EDIL3: variants seen among roughly 807,000 people sequenced by gnomAD.
EDIL3 encodes EGF-like repeat and discoidin I-like domain-containing protein 3.
A neutral mutation model predicts 67.4 loss-of-function variants in EDIL3; 37 were observed. That is an observed-to-expected ratio of 0.55 (90% CI 0.42 to 0.72). The LOEUF is 0.72. Among genes scored for constraint, EDIL3 ranks in the 30% least tolerant of loss-of-function variants. The pLI, the probability that EDIL3 is intolerant of heterozygous loss-of-function variation, is 0.00. For synonymous variants in EDIL3, 195 were observed against 196.3 expected, an observed-to-expected ratio of 0.99 and a Z score of 0.05; for missense variants, 527 against 586.3, an observed-to-expected ratio of 0.90 and a Z score of 1.04.
At chr5:84,050,484 T>C (rs944678751) in intron 9 of EDIL3, among the ~76,000 whole-genome samples, 3 of 152,120 alleles carry the variant, frequency 2.0e-5, no homozygotes, top group African/African-American at 7.2e-5. Flanking sequence ...GTGGGTGCAG[T>C]GCACTGAGCG....
intron 5 of EDIL3, among the ~76,000 whole-genome samples, chr5:84,130,532 C>T (rs1165966441): frequency 6.6e-6 from 1 of 151,988 alleles, no homozygotes; most frequent in East Asian, 1.9e-4. Flanking sequence ...ATTTTCACTT[C>T]CTTATAGACA....
chr5:83,989,319 C>CA (rs369361157), intron 9 of EDIL3, among the ~76,000 whole-genome samples: 330 of 152,280 alleles, frequency 2.2e-3, no homozygotes, highest in African/African-American at 7.6e-3. Context: ...CCCCTGCCCC[C>CA]ACCCCCATGA....
At chr5:84,312,356 G>T (rs1168329175) in intron 1 of EDIL3, among the ~76,000 whole-genome samples, 1 of 136,350 alleles carries the variant, frequency 7.3e-6, no homozygotes, top group Non-Finnish European at 1.6e-5. Flanking sequence ...CCTCCCTCCC[G>T]GACGGGGCGG....
chr5:84,088,888 T>C (rs1446913970), intron 6 of EDIL3, among the ~76,000 whole-genome samples: 1 of 152,008 alleles, frequency 6.6e-6, no homozygotes. Context: ...CAAAAGCAAA[T>C]ACATGGAGAA....
At chr5:84,317,527 T>TAA (rs1746540725) in intron 1 of EDIL3, among the ~76,000 whole-genome samples, 1 of 152,020 alleles carries the variant, frequency 6.6e-6, no homozygotes, top group African/African-American at 2.4e-5. Context: ...ACATACACCC[T>TAA]CCCAAGACTA....
At chr5:84,100,117 T>C (rs1046124250) in intron 6 of EDIL3, among the ~76,000 whole-genome samples, 23 of 152,052 alleles carry the variant, frequency 1.5e-4, no homozygotes, top group Non-Finnish European at 2.9e-4. Context: ...AACAATTTTA[T>C]GCTGTTGGTG....
chr5:84,055,442 GC>G lies in EDIL3; in HGVS notation c.1137+4857del, dbSNP rs996997506. ...AACACCAAAAGCAATGGCAATAAAAGCCAAAATTGACAAATGGGATCTAATT... is the reference window on the plus strand; with the variant it reads ...AACACCAAAAGCAATGGCAATAAAAGCAAAATTGACAAATGGGATCTAATT... On this transcript the variant is annotated intron_variant, in intron 9 of 10. Transcript: ENST00000296591. Among the ~76,000 whole-genome samples, 3 of 138,232 alleles carry G rather than the reference GC, an allele frequency of 2.2e-5. 1 individual carries two copies. Among genetic ancestry groups the G allele is most frequent in the Admixed American group, 7.0e-5 (1 of 14,302 alleles). 90.7% of individuals were successfully genotyped at this position (138,232 alleles called of 152,430 possible).
chr5:84,098,334 G>A (rs1048996010), intron 6 of EDIL3, among the ~76,000 whole-genome samples: 7 of 152,048 alleles, frequency 4.6e-5, no homozygotes, highest in Non-Finnish European at 4.4e-5. Flanking sequence ...GTGAGTTTAA[G>A]CGAAGTACTC....
intron 3 of EDIL3, among the ~76,000 whole-genome samples, chr5:84,229,450 T>C (rs1744519584): frequency 6.6e-6 from 1 of 152,214 alleles, no homozygotes; most frequent in Admixed American, 6.5e-5. Flanking sequence ...GATAGTGCTG[T>C]ATGCTCTCAT....
intron 1 of EDIL3, among the ~76,000 whole-genome samples, chr5:84,312,555 G>A (rs1459125344): frequency 1.8e-4 from 26 of 142,884 alleles, no homozygotes; most frequent in African/African-American, 6.1e-4. Context: ...TGGCCTGGCG[G>A]GGGGCTGACT....
intron 1 of EDIL3, among the ~76,000 whole-genome samples, chr5:84,340,208 G>A (rs1747072799): frequency 6.6e-6 from 1 of 151,190 alleles, no homozygotes; most frequent in African/African-American, 2.4e-5. Context: ...TTTATAATAT[G>A]GTCTTCATAA....
At chr5:83,971,606 C>T (rs372431433) in intron 9 of EDIL3, among the ~76,000 whole-genome samples, 3 of 151,266 alleles carry the variant, frequency 2.0e-5, no homozygotes, top group Admixed American at 1.3e-4. Flanking sequence ...ATTTTTTTTT[C>T]ATACATTTAG....
At chr5:84,275,821 T>C (rs1307435184) in intron 1 of EDIL3, among the ~76,000 whole-genome samples, 1 of 152,206 alleles carries the variant, frequency 6.6e-6, no homozygotes, top group Non-Finnish European at 1.5e-5. Context: ...TTTTGACAAA[T>C]GCATGCTCCA....
At chr5:84,066,053 T>C (rs1489531491) in intron 7 of EDIL3, among the ~76,000 whole-genome samples, 1 of 150,368 alleles carries the variant, frequency 6.7e-6, no homozygotes, top group African/African-American at 2.5e-5. Context: ...AGGCAGAGTT[T>C]ATAGTGAGCC....
intron 1 of EDIL3, among the ~76,000 whole-genome samples, chr5:84,341,649 T>C (rs1423694412): frequency 6.6e-6 from 1 of 152,064 alleles, no homozygotes; most frequent in African/African-American, 2.4e-5. Flanking sequence ...CTAAAAACTG[T>C]TGATGAACAG....
At chr5:84,305,637 T>C (rs1746249526) in intron 1 of EDIL3, among the ~76,000 whole-genome samples, 1 of 152,188 alleles carries the variant, frequency 6.6e-6, no homozygotes. Flanking sequence ...CCCGGCATTT[T>C]GGGAGGCCAA....
At chr5:84,093,720 C>T (rs923343398) in intron 6 of EDIL3, among the ~76,000 whole-genome samples, 4 of 142,322 alleles carry the variant, frequency 2.8e-5, no homozygotes, top group Admixed American at 2.3e-4. Context: ...AGTGCAGTGG[C>T]ACAGTCTCAG....
At chr5:84,022,042 C>T (rs1383914544) in intron 9 of EDIL3, among the ~76,000 whole-genome samples, 3 of 151,874 alleles carry the variant, frequency 2.0e-5, no homozygotes, top group African/African-American at 7.2e-5. Flanking sequence ...TTCTTCCTAA[C>T]TAATTCTATG....
chr5:84,082,147 A>G (rs2112259330), intron 6 of EDIL3, among the ~76,000 whole-genome samples: 1 of 152,354 alleles, frequency 6.6e-6, no homozygotes, highest in African/African-American at 2.4e-5. Flanking sequence ...GCAGCATGCA[A>G]ATAACAACAA....
Sources: allele counts gnomAD v4.1 joint callset (sites outside exome capture counted in the v4.1 genomes callset), GRCh38; gene constraint gnomAD v4.1.1; transcripts MANE v1.5; gene names NCBI Gene and HGNC (gene_info 2026-07-23, HGNC 2026-07-21).